Variants in LIMA1 observed in about 807,000 individuals in gnomAD.
LIMA1 encodes the protein LIM domain and actin binding 1.
A neutral mutation model predicts 62.6 loss-of-function variants in LIMA1; 52 were observed. That is an observed-to-expected ratio of 0.83 (90% CI 0.67 to 1.05). The LOEUF is 1.05. Ranked by LOEUF, LIMA1 falls within the 50% of genes least tolerant of loss-of-function variation. The pLI is 0.00. For synonymous variants in LIMA1, 302 were observed against 317.8 expected (o/e 0.95, Z 0.53); for missense variants, 780 against 902.2 (o/e 0.86, Z 1.74).
At chr12:50,222,630 C>T (rs1254187928) in intron 3 of LIMA1, 145 bp from the exon 4 acceptor site, 1 of 1,535,316 alleles carries the variant, frequency 6.5e-7, no homozygotes, top group South Asian at 1.2e-5. Flanking sequence ...ACAGCCTTGC[C>T]ACATGGAGAA....
Position 50,192,484 on chromosome 12 carries a change from G to T in LIMA1, c.1108C>A (p.Leu370Ile), listed in dbSNP as rs137989167. The change falls in exon 9 of 11, where the codon CTT (leucine) becomes ATT (isoleucine). Residue 370 changes from leucine (L) to isoleucine (I), a missense_variant. Physicochemically the swap from Leu to Ile is conservative, Grantham distance 5. Coordinates refer to ENST00000341247, the MANE Select transcript of LIMA1 (RefSeq NM_016357.5). ...PLSPDSRASS[L>I]SESSPPKAMK... ...GCTTTGGGAGGAGAACTTTCAGAAA[G>T]ACTGGAGGCTCTGGAATCTGGACTT... is the stretch of plus-strand genomic sequence containing the variant. 2.5e-6 allele frequency: 4 copies of T among 1,613,976 alleles called. No individual in the cohort carries two copies. The highest frequency in any genetic ancestry group is 3.4e-6 in the Non-Finnish European group (4 of 1,179,848).
Position 50,177,329 on chromosome 12 carries a change from A to G in LIMA1, c.2015T>C (p.Leu672Ser). The change falls in exon 11 of 11, where the codon TTG (leucine) becomes TCG (serine). Residue 672 changes from leucine to serine, a missense_variant. Coordinates refer to ENST00000341247, the MANE Select transcript of LIMA1 (RefSeq NM_016357.5). The part of the protein sequence containing the change: ...TGKRSKEGHS[L>S]EMENENLVEN... ...TACAAGATTCTCATTCTCCATCTCC[A>G]AACTATGACCTTCCTTACTTCTCTT... 6.2e-7 allele frequency: 1 copy of G among 1,614,224 alleles called. No individual in the cohort carries two copies. The highest frequency in any genetic ancestry group is 8.5e-7 in the Non-Finnish European group (1 of 1,180,038).
In LIMA1 at chr12:50,185,532, C is replaced by CA. The variant is rs1249959082; in HGVS notation, c.1141-3496dup. ...GCTTTACTGCAGCTGAGCTGAAACT[C>CA]AGAGACTCAGATCCAAGAATAAGAC... On this transcript the variant is annotated intron_variant, in intron 9 of 10. Transcript: ENST00000341247. 4 of 452,302 alleles carry CA rather than the reference C, an allele frequency of 8.8e-6. No individual in the cohort carries two copies. The East Asian group carries it at 2.8e-4, about 32-fold the overall frequency. 28.0% of individuals were successfully genotyped at this position (452,302 alleles called of 1,614,324 possible).
At chr12:50,207,959 C>T (rs1941184096) in intron 4 of LIMA1, among the ~76,000 whole-genome samples, 1 of 151,514 alleles carries the variant, frequency 6.6e-6, no homozygotes, top group Non-Finnish European at 1.5e-5. Flanking sequence ...TCCTTGGAGA[C>T]AGAAAACATA....
chr12:50,247,628 T>TATTATTATTATTATTATTATC (rs1235866062), intron 2 of LIMA1, among the ~76,000 whole-genome samples: 4 of 148,236 alleles, frequency 2.7e-5, no homozygotes, highest in African/African-American at 9.9e-5. Context: ...TTATTATTAT[T>TATTATTATTATTATTATTATC]ATTATTATTA....
At chr12:50,219,028 T>C (rs1207941021) in intron 4 of LIMA1, among the ~76,000 whole-genome samples, 4 of 152,086 alleles carry the variant, frequency 2.6e-5, no homozygotes, top group African/African-American at 9.7e-5. Flanking sequence ...TTTCAAAAAG[T>C]ATAAACACAC....
intron 3 of LIMA1, among the ~76,000 whole-genome samples, chr12:50,230,943 T>A (rs1351457891): frequency 6.6e-6 from 1 of 152,206 alleles, no homozygotes; most frequent in Non-Finnish European, 1.5e-5. Context: ...GCCAAGGACC[T>A]TAGCCTTAGA....
Position 50,177,762 on chromosome 12 carries a change from G to C in LIMA1, c.1582C>G (p.Leu528Val). The C allele has an allele frequency of 6.2e-7, 1 of 1,614,112 alleles. No individual in the cohort carries two copies. Among genetic ancestry groups the C allele is most frequent in the Non-Finnish European group, 8.5e-7 (1 of 1,180,014 alleles). Residue 528 changes from leucine (L) to valine (V), a missense_variant, in exon 11 of 11, where the codon CTG (leucine) becomes GTG (valine). Physicochemically the swap from Leu to Val is conservative, Grantham distance 32. Coordinates refer to ENST00000341247, the MANE Select transcript of LIMA1 (RefSeq NM_016357.5). ...KEDKPAETKK[L>V]RIAWPPPTEL... is the part of the protein sequence containing the mutation. ...GTGGGGGGTGGCCAGGCGATCCTCA[G>C]CTTCTTGGTTTCAGCTGGCTTGTCT... is the stretch of plus-strand genomic sequence containing the variant.
chr12:50,237,253 T>C (rs1048687240), intron 2 of LIMA1, among the ~76,000 whole-genome samples: 1 of 152,210 alleles, frequency 6.6e-6, no homozygotes, highest in African/African-American at 2.4e-5. Context: ...ATATGTATAA[T>C]GAAATACTGT....
At chr12:50,188,125 A>T (rs754814445) in intron 9 of LIMA1, 4 of 152,172 alleles carry the variant, frequency 2.6e-5, no homozygotes. Context: ...TTTTTACTTT[A>T]TTAAGCTAAA....
intron 1 of LIMA1, among the ~76,000 whole-genome samples, chr12:50,280,500 G>C (rs961814111): frequency 6.6e-5 from 10 of 152,120 alleles, no homozygotes; most frequent in African/African-American, 2.2e-4. Context: ...AACATCAAAA[G>C]AATGTAAAAT....
rs774435355 is a variant in LIMA1, at chr12:50,177,465, CCA to C, written c.1877_1878del (p.Val626GlyfsTer17). 6.2e-7 allele frequency: 1 copy of C among 1,614,092 alleles called. No homozygotes were observed. The highest frequency in any genetic ancestry group is 1.1e-5 in the South Asian group (1 of 91,084). ...TGTTTCCTTTCTGCAACTCTTCCACCCACAGACTCTTCACTCTGCTCTGACAT... is the reference window on the plus strand; with the variant it reads ...TGTTTCCTTTCTGCAACTCTTCCACCCAGACTCTTCACTCTGCTCTGACAT... The part of the protein sequence containing the change: ...WSMSEQSEES[V>X]GGRVAERKQV... On this transcript the variant is annotated frameshift_variant, in exon 11 of 11. Coordinates refer to ENST00000341247, the MANE Select transcript of LIMA1 (RefSeq NM_016357.5). LOFTEE classifies it low-confidence loss of function (END_TRUNC).
At chr12:50,220,919 C>G (rs925916305) in intron 4 of LIMA1, among the ~76,000 whole-genome samples, 3 of 152,130 alleles carry the variant, frequency 2.0e-5, no homozygotes, top group African/African-American at 7.2e-5. Flanking sequence ...CTTTACACAT[C>G]GTCAAAAACT....
chr12:50,205,626 A>C (rs1171016872), intron 5 of LIMA1, among the ~76,000 whole-genome samples: 1 of 151,996 alleles, frequency 6.6e-6, no homozygotes, highest in African/African-American at 2.4e-5. Context: ...ACCCCAGATG[A>C]CTGGAGGCAA....
At chr12:50,181,709 A>AAT (rs1200222329) in intron 10 of LIMA1, among the ~76,000 whole-genome samples, 195 bp downstream of exon 10, 1 of 152,210 alleles carries the variant, frequency 6.6e-6, no homozygotes, top group Non-Finnish European at 1.5e-5. Context: ...TTAACATATC[A>AAT]ATACACCAAG....
At chr12:50,246,343 G>A (rs1270090874) in intron 2 of LIMA1, among the ~76,000 whole-genome samples, 3 of 152,056 alleles carry the variant, frequency 2.0e-5, no homozygotes, top group African/African-American at 7.2e-5. Flanking sequence ...GGGCTAAGGA[G>A]GGTGAAAAGG....
intron 1 of LIMA1, among the ~76,000 whole-genome samples, chr12:50,278,247 C>A (rs1313494385): frequency 6.6e-6 from 1 of 151,982 alleles, no homozygotes; most frequent in Non-Finnish European, 1.5e-5. Context: ...GGTGAAACCC[C>A]ATCTCTACTA....
chr12:50,246,923 C>T lies in LIMA1; in HGVS notation c.119+1710G>A, dbSNP rs563645760. Among the ~76,000 whole-genome samples, 13 of 152,278 alleles carry T rather than the reference C, an allele frequency of 8.5e-5. 1 individual carries two copies. In the South Asian group the frequency reaches 2.7e-3, roughly 32 times the overall value. The stretch of plus-strand genomic sequence containing the variant: ...AATTACCTGGGATACTTGTTAAAAA[C>T]ATAATTTCCTGGACTCTATCCACAC... On this transcript the variant is annotated intron_variant, in intron 2 of 10. Transcript: ENST00000341247.
chr12:50,195,719 G>C, intron 8 of LIMA1, 111 bp downstream of exon 8: 1 of 1,049,078 alleles, frequency 9.5e-7, no homozygotes, highest in East Asian at 2.6e-5. Flanking sequence ...AATTCAAGTA[G>C]AGGATTTACT....
Sources: allele counts gnomAD v4.1 joint callset (sites outside exome capture counted in the v4.1 genomes callset), GRCh38; gene constraint gnomAD v4.1.1; transcripts MANE v1.5; gene names NCBI Gene and HGNC (gene_info 2026-07-23, HGNC 2026-07-21).